The following COP1 variants were observed in gnomAD, a reference collection of about 807,000 sequenced individuals.
COP1 encodes the protein E3 ubiquitin-protein ligase COP1.
COP1 carries 24 observed loss-of-function variants against 101.3 expected under a neutral mutation model. That is an observed-to-expected ratio of 0.24 (90% CI 0.17 to 0.33). The LOEUF (loss-of-function observed/expected upper bound fraction) is 0.33. Among genes scored for constraint, COP1 ranks in the 10% least tolerant of loss-of-function variants. The pLI is 1.00. For synonymous variants in COP1, 347 were observed against 341.9 expected, an observed-to-expected ratio of 1.01 and a Z score of -0.17; for missense variants, 663 against 906.2, an observed-to-expected ratio of 0.73 and a Z score of 3.45.
chr1:176,187,039 G>C (rs577396219), intron 1 of COP1, among the ~76,000 whole-genome samples: 4 of 152,164 alleles, frequency 2.6e-5, no homozygotes, highest in Non-Finnish European at 4.4e-5. Flanking sequence ...TATACTAAAA[G>C]TTACAGTACC....
At chr1:175,993,999 G>C (rs1361823007) in intron 15 of COP1, among the ~76,000 whole-genome samples, 1 of 152,170 alleles carries the variant, frequency 6.6e-6, no homozygotes, top group Admixed American at 6.5e-5. Flanking sequence ...AGAGAGAAAG[G>C]TCGGGTTAAC....
At chr1:176,018,040 T>A (rs1256676854) in intron 15 of COP1, among the ~76,000 whole-genome samples, 1 of 152,206 alleles carries the variant, frequency 6.6e-6, no homozygotes, top group Admixed American at 6.5e-5. Context: ...TCTTTGTTCA[T>A]GATTTGAGGA....
At chr1:176,163,794 G>A in intron 4 of COP1, 21 bp downstream of exon 4, 1 of 1,389,314 alleles carries the variant, frequency 7.2e-7, no homozygotes, top group Non-Finnish European at 9.9e-7. Flanking sequence ...ATTAAAAATA[G>A]TAATAAGAGT....
chr1:175,976,802 T>G (rs1654701523), intron 18 of COP1, among the ~76,000 whole-genome samples: 1 of 152,230 alleles, frequency 6.6e-6, no homozygotes, highest in South Asian at 2.1e-4. Context: ...CAAAAATATT[T>G]AGATAGCTCG....
intron 9 of COP1, among the ~76,000 whole-genome samples, chr1:176,100,633 G>A (rs960516672): frequency 4.6e-5 from 7 of 152,154 alleles, no homozygotes; most frequent in Admixed American, 2.6e-4. Context: ...CCTGCCGGGT[G>A]ATGGGAATAA....
chr1:176,162,272 G>C (rs1469063805), intron 5 of COP1, among the ~76,000 whole-genome samples: 1 of 152,142 alleles, frequency 6.6e-6, no homozygotes. Context: ...CCTCAGGGTA[G>C]TATTTGCTTA....
At chr1:176,204,749 C>A (rs2102316008) in intron 1 of COP1, among the ~76,000 whole-genome samples, 1 of 152,240 alleles carries the variant, frequency 6.6e-6, no homozygotes, top group East Asian at 1.9e-4. Flanking sequence ...CATGGTGAAA[C>A]CCCGTCTCCA....
In COP1 at chr1:175,991,670, A is replaced by G. The variant is rs183527482; in HGVS notation, c.1730-2191T>C. 2.2e-3 allele frequency among the ~76,000 whole-genome samples: 333 copies of G among 152,372 alleles called. 1 individual carries two copies. Among genetic ancestry groups the G allele is most frequent in the African/African-American group, 7.6e-3 (317 of 41,598 alleles). On this transcript the variant is annotated intron_variant, in intron 15 of 19. Coordinates refer to ENST00000367669, the MANE Select transcript of COP1 (RefSeq NM_022457.7). Reference sequence around the variant, plus strand: ...AAACACATACATTGTACAGCTGGACAAAAGTATTTCCTTTTTACATTTCCT... The same window carrying G: ...AAACACATACATTGTACAGCTGGACGAAAGTATTTCCTTTTTACATTTCCT...
chr1:175,972,096 G>A (rs74693299), intron 18 of COP1, among the ~76,000 whole-genome samples: 3,814 of 152,134 alleles, frequency 0.025, 153 homozygotes, highest in African/African-American at 0.087. Flanking sequence ...CAAAACAAAA[G>A]GAGAGAATTA....
intron 15 of COP1, among the ~76,000 whole-genome samples, chr1:176,002,859 T>G (rs1446295174): frequency 6.6e-6 from 1 of 151,654 alleles, no homozygotes; most frequent in Non-Finnish European, 1.5e-5. Context: ...TATAGTCCTT[T>G]GGGTATATAC....
chr1:175,990,266 A>G (rs1658079521), intron 15 of COP1, among the ~76,000 whole-genome samples: 2 of 152,078 alleles, frequency 1.3e-5, no homozygotes, highest in Admixed American at 1.3e-4. Flanking sequence ...CAAAGTAACT[A>G]TTGTTGATTT....
rs35501384 is a variant in COP1, at chr1:176,066,738, G to GA, written c.1277+14413dup. The stretch of plus-strand genomic sequence containing the variant: ...TGAATTCAATCTCAAATTTCACTAT[G>GA]AAATTCCTTCACCAAAAAATGATAA... On this transcript the variant is annotated intron_variant, in intron 11 of 19. Coordinates refer to ENST00000367669, the MANE Select transcript of COP1 (RefSeq NM_022457.7). 7.9e-3 allele frequency among the ~76,000 whole-genome samples: 1,204 copies of GA among 152,236 alleles called. 10 individuals carry two copies. The highest frequency in any genetic ancestry group is 0.02 in the Middle Eastern group (6 of 294).
intron 11 of COP1, among the ~76,000 whole-genome samples, chr1:176,071,574 T>C (rs1218976566): frequency 6.6e-6 from 1 of 152,144 alleles, no homozygotes. Context: ...TATACGTGAA[T>C]ATATAACTGA....
intron 11 of COP1, among the ~76,000 whole-genome samples, chr1:176,062,205 T>C (rs765299210): frequency 2.6e-5 from 4 of 152,246 alleles, no homozygotes; most frequent in Non-Finnish European, 5.9e-5. Flanking sequence ...GGTTTCACCA[T>C]GTTAGCCAGG....
chr1:176,054,512 T>C (rs1361628721), intron 11 of COP1, among the ~76,000 whole-genome samples: 3 of 152,158 alleles, frequency 2.0e-5, no homozygotes, highest in Non-Finnish European at 2.9e-5. Flanking sequence ...AACAAGGAGA[T>C]ATACTTTCCA....
intron 14 of COP1, among the ~76,000 whole-genome samples, chr1:176,028,586 T>C (rs1668090197): frequency 7.0e-6 from 1 of 142,506 alleles, no homozygotes; most frequent in Non-Finnish European, 1.5e-5. Flanking sequence ...AAAGGAAAAA[T>C]CAATATAGAT....
chr1:175,956,656 T>C (rs574752110), intron 18 of COP1, among the ~76,000 whole-genome samples: 22 of 152,338 alleles, frequency 1.4e-4, no homozygotes, highest in African/African-American at 5.1e-4. Flanking sequence ...GTGCAAAATA[T>C]AGTCATGCAC....
chr1:176,186,850 T>C (rs1238929646), intron 1 of COP1, among the ~76,000 whole-genome samples: 3 of 152,146 alleles, frequency 2.0e-5, no homozygotes, highest in Non-Finnish European at 4.4e-5. Flanking sequence ...GGTAGGACTA[T>C]GGTTTGCTGA....
chr1:176,181,772 G>A (rs1416826677), intron 2 of COP1, among the ~76,000 whole-genome samples: 3 of 152,048 alleles, frequency 2.0e-5, no homozygotes, highest in Admixed American at 6.5e-5. Flanking sequence ...ATATCCGGGA[G>A]GTGGAGGTTG....
Sources: gnomAD v4.1 joint callset for allele counts (sites outside exome capture counted in the v4.1 genomes callset) on GRCh38, gnomAD v4.1.1 for gene constraint, MANE v1.5 for transcripts, NCBI Gene and HGNC (gene_info 2026-07-23, HGNC 2026-07-21) for gene names.